LARP1: variants seen among roughly 807,000 people sequenced by gnomAD.
LARP1 encodes the protein la-related protein 1.
In LARP1, 36 loss-of-function variants were observed where a neutral mutation model predicts 122.7. That is an observed-to-expected ratio of 0.29 (90% CI 0.22 to 0.39). LARP1 has a LOEUF of 0.39. LARP1 is among the 10% of genes least tolerant of loss of function. The pLI is 1.00. For synonymous variants in LARP1, 539 were observed against 528.7 expected, an observed-to-expected ratio of 1.02 and a Z score of -0.27; for missense variants, 1,040 against 1,403.6, an observed-to-expected ratio of 0.74 and a Z score of 4.14.
chr5:154,720,186 G>A (rs968421197), intron 1 of LARP1, among the ~76,000 whole-genome samples: 12 of 147,690 alleles, frequency 8.1e-5, no homozygotes, highest in African/African-American at 2.9e-4. Context: ...GCGAGACTCT[G>A]TCTCAAAATA....
At chr5:154,730,235 C>T (rs954366703) in intron 1 of LARP1, among the ~76,000 whole-genome samples, 1 of 152,066 alleles carries the variant, frequency 6.6e-6, no homozygotes, top group South Asian at 2.1e-4. Context: ...GTCGCCCAGG[C>T]TGGAGTGCAG....
intron 1 of LARP1, among the ~76,000 whole-genome samples, chr5:154,741,141 C>G (rs1296015118): frequency 1.3e-5 from 2 of 152,162 alleles, no homozygotes; most frequent in African/African-American, 4.8e-5. Context: ...AATCAGTGCA[C>G]TCAGTGCAGC....
chr5:154,756,640 T>C, intron 1 of LARP1: 1 of 378,742 alleles, frequency 2.6e-6, no homozygotes, highest in Non-Finnish European at 3.6e-6. Context: ...TTAATGAGCA[T>C]ATGTCACGGG....
intron 1 of LARP1, among the ~76,000 whole-genome samples, chr5:154,774,107 A>G (rs769478494): frequency 2.0e-5 from 3 of 150,348 alleles, no homozygotes; most frequent in Non-Finnish European, 4.4e-5. Flanking sequence ...TTCAGCCTGT[A>G]AAATTGGGCT....
At chr5:154,747,963 T>C (rs1461653862) in intron 1 of LARP1, among the ~76,000 whole-genome samples, 2 of 152,194 alleles carry the variant, frequency 1.3e-5, no homozygotes, top group Non-Finnish European at 2.9e-5. Flanking sequence ...GCTCAAGCCA[T>C]CCTTCTGTCT....
chr5:154,691,939 G>A (rs1256805632), intron 1 of LARP1, among the ~76,000 whole-genome samples: 2 of 151,660 alleles, frequency 1.3e-5, no homozygotes, highest in Non-Finnish European at 2.9e-5. Context: ...ACAGGCCTGC[G>A]CCACCACGCC....
intron 1 of LARP1, among the ~76,000 whole-genome samples, chr5:154,733,910 T>TA (rs1229951108): frequency 6.6e-6 from 1 of 152,020 alleles, no homozygotes; most frequent in African/African-American, 2.4e-5. Context: ...TAATAGTACC[T>TA]AACTCAGCAC....
chr5:154,756,351 TCCCC>T, intron 1 of LARP1, 158 bp downstream of exon 1: 1 of 934,332 alleles, frequency 1.1e-6, no homozygotes, highest in South Asian at 3.2e-5. Flanking sequence ...CGCCGCGCCC[TCCCC>T]CCCACCGTAC....
intron 1 of LARP1, among the ~76,000 whole-genome samples, chr5:154,714,044 G>A (rs778124782): frequency 6.6e-6 from 1 of 152,208 alleles, no homozygotes; most frequent in Non-Finnish European, 1.5e-5. Context: ...TGTGACCTCA[G>A]GCAAATTGTT....
intron 1 of LARP1, among the ~76,000 whole-genome samples, chr5:154,693,195 T>A (rs1582146361): frequency 6.6e-6 from 1 of 151,222 alleles, no homozygotes; most frequent in East Asian, 2.0e-4. Flanking sequence ...TGGAGTGCAG[T>A]GGCATGATCT....
At chr5:154,713,193 T>C (rs1755312746) in intron 1 of LARP1, 1 of 1,427,876 alleles carries the variant, frequency 7.0e-7, no homozygotes, top group Admixed American at 1.9e-5. Flanking sequence ...GGAAGATCCT[T>C]CTCCCTAGGG....
intron 1 of LARP1, among the ~76,000 whole-genome samples, chr5:154,739,258 G>A (rs1223358812): frequency 3.9e-5 from 6 of 152,060 alleles, no homozygotes; most frequent in Non-Finnish European, 8.8e-5. Flanking sequence ...CTGACCTCGT[G>A]ATCCGCCCAC....
chr5:154,716,321 G>A (rs1025835825), intron 1 of LARP1, among the ~76,000 whole-genome samples: 3 of 151,914 alleles, frequency 2.0e-5, no homozygotes. Flanking sequence ...GGGTTTTGCC[G>A]TGTTGGCCAG....
intron 1 of LARP1, among the ~76,000 whole-genome samples, chr5:154,716,734 C>A (rs1452292042): frequency 6.6e-6 from 1 of 151,772 alleles, no homozygotes; most frequent in East Asian, 2.0e-4. Context: ...CAGGTGTGAG[C>A]CACTGCACCC....
chr5:154,773,230 A>G (rs1238934829), intron 1 of LARP1, among the ~76,000 whole-genome samples: 1 of 152,096 alleles, frequency 6.6e-6, no homozygotes, highest in African/African-American at 2.4e-5. Context: ...TCAGTTGACC[A>G]TGGGTTACAA....
intron 1 of LARP1, among the ~76,000 whole-genome samples, chr5:154,690,333 C>A (rs367892227): frequency 1.3e-5 from 2 of 152,250 alleles, no homozygotes; most frequent in East Asian, 3.9e-4. Flanking sequence ...TTGTCAAATT[C>A]ATAGGTACAT....
intron 1 of LARP1, among the ~76,000 whole-genome samples, chr5:154,688,104 T>C (rs1754020685): frequency 6.6e-6 from 1 of 152,144 alleles, no homozygotes; most frequent in African/African-American, 2.4e-5. Context: ...TTGTCTTTGA[T>C]GCTTCGGGTC....
intron 1 of LARP1, among the ~76,000 whole-genome samples, chr5:154,719,595 C>G (rs1407006045): frequency 6.6e-6 from 1 of 152,188 alleles, no homozygotes; most frequent in Non-Finnish European, 1.5e-5. Context: ...GGCGTGGTGG[C>G]TCACGCCTGT....
At chr5:154,770,368 A>G (rs1029060545) in intron 1 of LARP1, among the ~76,000 whole-genome samples, 5 of 151,926 alleles carry the variant, frequency 3.3e-5, no homozygotes, top group African/African-American at 1.2e-4. Flanking sequence ...CTATCCCCTG[A>G]TCAGAAGGGT....
Sources: gnomAD v4.1 joint callset for allele counts (sites outside exome capture counted in the v4.1 genomes callset) on GRCh38, gnomAD v4.1.1 for gene constraint, MANE v1.5 for transcripts, NCBI Gene and HGNC (gene_info 2026-07-23, HGNC 2026-07-21) for gene names.